LYPLA2: variants seen among roughly 807,000 people sequenced by gnomAD.
LYPLA2 encodes the protein lysophospholipase 2.
LYPLA2 carries 7 observed loss-of-function variants against 30.3 expected under a neutral mutation model. The observed-to-expected ratio is 0.23, with a 90% CI of 0.13 to 0.43. The LOEUF (loss-of-function observed/expected upper bound fraction) is 0.43. Ranked by LOEUF, LYPLA2 falls within the 20% of genes least tolerant of loss-of-function variation. The probability of loss-of-function intolerance (pLI) is 1.00; values close to 1 mark genes in which losing one functional copy is unlikely to be tolerated. For missense variants in LYPLA2, 206 were observed against 307.9 expected (o/e 0.67, Z 2.48); for synonymous variants, 112 against 118.2 (o/e 0.95, Z 0.34).
chr1:23,793,075 G>A lies in LYPLA2; in HGVS notation c.110+36G>A, dbSNP rs1638831218. 1.2e-6 allele frequency: 2 copies of A among 1,613,530 alleles called. No individual in the cohort carries two copies. Among genetic ancestry groups the A allele is most frequent in the Admixed American group, 1.7e-5 (1 of 59,984 alleles). On this transcript the variant is annotated intron_variant, in intron 3 of 9. Coordinates refer to ENST00000374514, the MANE Select transcript of LYPLA2 (RefSeq NM_007260.3). The surrounding 1 kb of genome is among the most constrained non-coding windows in gnomAD (Gnocchi z 6.0). Reference sequence around the variant, plus strand: ...GAGGAGGGGTGCTCCTTAAGGAGGGGTCCTGGCCCAGCAGCGGACTGGAGA... The same window carrying A: ...GAGGAGGGGTGCTCCTTAAGGAGGGATCCTGGCCCAGCAGCGGACTGGAGA...
Position 23,795,138 on chromosome 1 carries a change from G to T in LYPLA2, c.*406G>T. ...CCAGGCCCCTGCCCCAACTGATTCT[G>T]CCCAGATAATCGTGTCTCCTGCCTC... On this transcript the variant is annotated 3_prime_UTR_variant, in exon 10 of 10. Transcript: ENST00000374514. 1 of 372,864 alleles carries T rather than the reference G, an allele frequency of 2.7e-6. No individual in the cohort carries two copies. Among genetic ancestry groups the T allele is most frequent in the Non-Finnish European group, 5.2e-6 (1 of 192,818 alleles). 23.1% of individuals were successfully genotyped at this position (372,864 alleles called of 1,614,324 possible). A position where few individuals can be genotyped will look rare whatever the true frequency, so the allele number is the denominator to read the frequency against.
At chr1:23,792,851 T>G (rs1638825861) in intron 2 of LYPLA2, 91 bp downstream of exon 2, 1 of 1,345,366 alleles carries the variant, frequency 7.4e-7, no homozygotes, top group Admixed American at 1.7e-5. Flanking sequence ...GTGGCAGTGA[T>G]GAGCAGGGAG....
rs1215881500 is a variant in LYPLA2 at position 23,794,961 on chromosome 1, C to G, written c.*229C>G. 1 of 696,694 alleles carries G rather than the reference C, an allele frequency of 1.4e-6. No homozygotes were observed. Among genetic ancestry groups the G allele is most frequent in the Admixed American group, 2.0e-5 (1 of 49,644 alleles). 43.2% of individuals were successfully genotyped at this position (696,694 alleles called of 1,614,324 possible). On this transcript the variant is annotated 3_prime_UTR_variant, in exon 10 of 10. Transcript: ENST00000374514. This position sits in a 1 kb window ranked among gnomAD's most constrained non-coding sequence, Gnocchi z 5.9. Reference sequence around the variant, plus strand: ...GCAGGCTGCTTTCTTATCCATTTCCCTGGAGGCGGGCCCCCCTGGCAGCAG... The same window carrying G: ...GCAGGCTGCTTTCTTATCCATTTCCGTGGAGGCGGGCCCCCCTGGCAGCAG...
chr1:23,791,346 A>AC (rs1638788577), intron 1 of LYPLA2, 96 bp downstream of exon 1: 1 of 58,540 alleles, frequency 1.7e-5, no homozygotes, highest in South Asian at 5.7e-4. Flanking sequence ...GATGGGGGGG[A>AC]TGGGGGTGGG....
At position 23,793,562 on chromosome 1, in the gene LYPLA2, G is replaced by A. The variant is rs1451112809; in HGVS notation, c.177-143G>A. On this transcript the variant is annotated intron_variant, in intron 4 of 9. Transcript: ENST00000374514. The surrounding 1 kb of genome is among the most constrained non-coding windows in gnomAD (Gnocchi z 6.0). ...CAACCACAGCCTCCAGCCCCACGTG[G>A]CAGGTTGCCTGGCAACACCTTAAAC... The A allele has an allele frequency of 1.2e-6, 1 of 819,410 alleles. No individual in the cohort carries two copies. Among genetic ancestry groups the A allele is most frequent in the Non-Finnish European group, 2.1e-6 (1 of 481,100 alleles). 50.8% of individuals were successfully genotyped at this position (819,410 alleles called of 1,614,324 possible). A position where few individuals can be genotyped will look rare whatever the true frequency, so the allele number is the denominator to read the frequency against.
At chr1:23,791,692 CT>C (rs1267979817) in intron 1 of LYPLA2, among the ~76,000 whole-genome samples, 2 of 151,780 alleles carry the variant, frequency 1.3e-5, no homozygotes, top group Non-Finnish European at 2.9e-5. Flanking sequence ...AGGAGGGAGC[CT>C]GGGCGGGAGG....
rs374788476 is a variant in LYPLA2 at position 23,793,215 on chromosome 1, G to A, written c.175G>A (p.Ala59Thr). The change falls in exon 4 of 10, where the codon GCG becomes ACG. Residue 59 changes from alanine (A) to threonine (T), a missense_variant and splice_region_variant. Coordinates refer to ENST00000374514, the MANE Select transcript of LYPLA2 (RefSeq NM_007260.3). The surrounding 1 kb of genome is among the most constrained non-coding windows in gnomAD (Gnocchi z 6.0). ...LPHVKYICPH[A>T]PRIPVTLNMK... ...TCACGTCAAGTACATCTGTCCCCAT[G>A]CGTGAGTGTCACCCCAGCAAGGGAG... The A allele has an allele frequency of 1.2e-6, 2 of 1,613,352 alleles. No homozygotes were observed. Among genetic ancestry groups the A allele is most frequent in the African/African-American group, 1.3e-5 (1 of 74,890 alleles).
At position 23,793,558 on chromosome 1, in the gene LYPLA2, C is replaced by T. The variant is rs1365081418; in HGVS notation, c.177-147C>T. The T allele has an allele frequency of 3.7e-6, 3 of 802,866 alleles. No individual in the cohort carries two copies. Among genetic ancestry groups the T allele is most frequent in the East Asian group, 2.4e-5 (1 of 41,204 alleles). 49.7% of individuals were successfully genotyped at this position (802,866 alleles called of 1,614,324 possible). ...GCCCCAACCACAGCCTCCAGCCCCA[C>T]GTGGCAGGTTGCCTGGCAACACCTT... On this transcript the variant is annotated intron_variant, in intron 4 of 9. Transcript: ENST00000374514. This position sits in a 1 kb window ranked among gnomAD's most constrained non-coding sequence, Gnocchi z 6.0.
rs750756507 is a variant in LYPLA2 at position 23,794,267 on chromosome 1, C to G, written c.413C>G (p.Pro138Arg). ...SLYTALTCPH[P>R]LAGIVALSCW... ...TACACGGCCCTCACCTGCCCCCACC[C>G]TCTGGCTGGCATCGTGGCGTTGAGC... Residue 138 changes from proline to arginine, a missense_variant, in exon 8 of 10, where the codon CCT becomes CGT. Physicochemically the swap from Pro to Arg is moderately radical, Grantham distance 103. Transcript: ENST00000374514. The surrounding 1 kb of genome is among the most constrained non-coding windows in gnomAD (Gnocchi z 5.9). 6.2e-7 allele frequency: 1 copy of G among 1,612,262 alleles called. No individual in the cohort carries two copies. The highest frequency in any genetic ancestry group is 8.5e-7 in the Non-Finnish European group (1 of 1,179,916).
Position 23,793,980 on chromosome 1 carries a change from A to G in LYPLA2, c.295+50A>G. On this transcript the variant is annotated intron_variant, in intron 6 of 9. Coordinates refer to ENST00000374514, the MANE Select transcript of LYPLA2 (RefSeq NM_007260.3). This position sits in a 1 kb window ranked among gnomAD's most constrained non-coding sequence, Gnocchi z 6.0. ...ATCCTCCTTCCCCTGCCCCCCAGGAAAGCGCTGGGCGGTTCCTCAGCCTAG... is the reference window on the plus strand; with the variant it reads ...ATCCTCCTTCCCCTGCCCCCCAGGAGAGCGCTGGGCGGTTCCTCAGCCTAG... 1 of 1,593,738 alleles carries G rather than the reference A, an allele frequency of 6.3e-7. No individual in the cohort carries two copies. The highest frequency in any genetic ancestry group is 8.6e-7 in the Non-Finnish European group (1 of 1,161,504).
chr1:23,795,385 T>G lies in LYPLA2; in HGVS notation c.*653T>G. On this transcript the variant is annotated 3_prime_UTR_variant, in exon 10 of 10. Transcript: ENST00000374514. Reference sequence around the variant, plus strand: ...GTAGGGCTGGACTGAGGTTCAGGTCTCCCCCCAGCTGTCTCACCCCCACTT... The same window carrying G: ...GTAGGGCTGGACTGAGGTTCAGGTCGCCCCCCAGCTGTCTCACCCCCACTT... 1 of 201,648 alleles carries G rather than the reference T, an allele frequency of 5.0e-6. No homozygotes were observed. Among genetic ancestry groups the G allele is most frequent in the South Asian group, 8.0e-5 (1 of 12,444 alleles). The allele number at this position is 201,648 out of a possible 1,614,324, so 12.5% of individuals were successfully genotyped here. A position where few individuals can be genotyped will look rare whatever the true frequency, so the allele number is the denominator to read the frequency against.
intron 1 of LYPLA2, 127 bp from the exon 2 acceptor site, chr1:23,792,530 C>T: frequency 1.5e-6 from 1 of 648,052 alleles, no homozygotes; most frequent in African/African-American, 1.8e-5. Context: ...GGACTTCTTG[C>T]TTGACTATTC....
rs778605986 is a variant in LYPLA2, at chr1:23,794,214, C to T, written c.370-10C>T. 1.9e-6 allele frequency: 3 copies of T among 1,606,354 alleles called. No homozygotes were observed. The highest frequency in any genetic ancestry group is 1.3e-5 in the African/African-American group (1 of 74,848). On this transcript the variant is annotated splice_polypyrimidine_tract_variant and intron_variant, in intron 7 of 9. Coordinates refer to ENST00000374514, the MANE Select transcript of LYPLA2 (RefSeq NM_007260.3). The surrounding 1 kb of genome is among the most constrained non-coding windows in gnomAD (Gnocchi z 5.9). Reference sequence around the variant, plus strand: ...TGTGCCCTCATGACCCCTCTCTCTCCTCCCTCCAGGGCGGGGCCCTGTCCC... The same window carrying T: ...TGTGCCCTCATGACCCCTCTCTCTCTTCCCTCCAGGGCGGGGCCCTGTCCC...
chr1:23,793,261 C>G lies in LYPLA2; in HGVS notation c.176+45C>G. On this transcript the variant is annotated intron_variant, in intron 4 of 9. Coordinates refer to ENST00000374514, the MANE Select transcript of LYPLA2 (RefSeq NM_007260.3). This position sits in a 1 kb window ranked among gnomAD's most constrained non-coding sequence, Gnocchi z 6.0. ...GGGAGGGGCTGAGGCTGGGGATCAT[C>G]TGGGGGTGGTCCTGTCATCCCAGGC... The G allele has an allele frequency of 6.3e-7, 1 of 1,588,156 alleles. No homozygotes were observed. The highest frequency in any genetic ancestry group is 8.6e-7 in the Non-Finnish European group (1 of 1,158,164).
In LYPLA2 at chr1:23,793,336, G is replaced by C. The variant is rs1463344312; in HGVS notation, c.176+120G>C. 9.3e-7 allele frequency: 1 copy of C among 1,076,978 alleles called. No individual in the cohort carries two copies. Among genetic ancestry groups the C allele is most frequent in the African/African-American group, 1.6e-5 (1 of 63,890 alleles). 66.7% of individuals were successfully genotyped at this position (1,076,978 alleles called of 1,614,324 possible). A position where few individuals can be genotyped will look rare whatever the true frequency, so the allele number is the denominator to read the frequency against. Reference sequence around the variant, plus strand: ...CTGGGGCTTGGGCTCAGGGCAGTCAGAAGTGGCATTTTCAGCCTGAGCTCC... The same window carrying C: ...CTGGGGCTTGGGCTCAGGGCAGTCACAAGTGGCATTTTCAGCCTGAGCTCC... On this transcript the variant is annotated intron_variant, in intron 4 of 9. Transcript: ENST00000374514. The surrounding 1 kb of genome is among the most constrained non-coding windows in gnomAD (Gnocchi z 6.0).
intron 1 of LYPLA2, among the ~76,000 whole-genome samples, chr1:23,791,561 G>A (rs947501685): frequency 6.6e-6 from 1 of 152,234 alleles, no homozygotes; most frequent in East Asian, 1.9e-4. Flanking sequence ...AAATTTCACT[G>A]GGTAGGGTGA....
rs1233974061 is a variant in LYPLA2, at chr1:23,795,416, C to T, written c.*684C>T. ...CAGCTGTCTCACCCCCACTTTGTCC[C>T]CACTCTAGAGCAGGGAGGCAGTGGG... On this transcript the variant is annotated 3_prime_UTR_variant, in exon 10 of 10. Coordinates refer to ENST00000374514, the MANE Select transcript of LYPLA2 (RefSeq NM_007260.3). The T allele has an allele frequency of 4.8e-6, 1 of 206,454 alleles. No homozygotes were observed. The highest frequency in any genetic ancestry group is 1.0e-5 in the Non-Finnish European group (1 of 100,500). 12.8% of individuals were successfully genotyped at this position (206,454 alleles called of 1,614,324 possible). A position where few individuals can be genotyped will look rare whatever the true frequency, so the allele number is the denominator to read the frequency against.
chr1:23,792,416 C>T (rs917636126), intron 1 of LYPLA2: 75 of 506,144 alleles, frequency 1.5e-4, no homozygotes, highest in Admixed American at 1.2e-3. Flanking sequence ...AAGCTCAGGT[C>T]CTGTGGTTGG....
chr1:23,793,542 A>G lies in LYPLA2; in HGVS notation c.177-163A>G. 1.3e-6 allele frequency: 1 copy of G among 749,716 alleles called. No homozygotes were observed. The highest frequency in any genetic ancestry group is 2.3e-6 in the Non-Finnish European group (1 of 430,190). 46.4% of individuals were successfully genotyped at this position (749,716 alleles called of 1,614,324 possible). On this transcript the variant is annotated intron_variant, in intron 4 of 9. Transcript: ENST00000374514. This position sits in a 1 kb window ranked among gnomAD's most constrained non-coding sequence, Gnocchi z 6.0. ...CCATTACTGGCGCTTTGCCCCAACC[A>G]CAGCCTCCAGCCCCACGTGGCAGGT...
Sources: gnomAD v4.1 joint callset for allele counts (sites outside exome capture counted in the v4.1 genomes callset) on GRCh38, gnomAD v4.1.1 for gene constraint, Gnocchi (gnomAD v3.1) non-coding constraint, MANE v1.5 for transcripts, NCBI Gene and HGNC (gene_info 2026-07-23, HGNC 2026-07-21) for gene names.